ANKRD36: variants seen among roughly 807,000 people sequenced by gnomAD.
The protein encoded by ANKRD36 is ankyrin repeat domain 36.
In ANKRD36, 179 loss-of-function variants were observed where a neutral mutation model predicts 278.1. The observed-to-expected ratio is 0.64, with a 90% confidence interval of 0.57 to 0.73. The LOEUF (loss-of-function observed/expected upper bound fraction) is 0.73. Among genes scored for constraint, ANKRD36 ranks in the 30% least tolerant of loss-of-function variants. The probability of loss-of-function intolerance (pLI) is 0.00; values close to 1 mark genes in which losing one functional copy is unlikely to be tolerated. For missense variants in ANKRD36, 1,159 were observed against 1,956.7 expected (o/e 0.59, Z 7.69); for synonymous variants, 320 against 641.1 (o/e 0.50, Z 7.57).
At chr2:97,133,300 A>G (rs938641853) in intron 6 of ANKRD36, among the ~76,000 whole-genome samples, 3 of 152,032 alleles carry the variant, frequency 2.0e-5, no homozygotes, top group Non-Finnish European at 4.4e-5. Flanking sequence ...GCAACTTAAT[A>G]TGAAATACTA....
intron 22 of ANKRD36, among the ~76,000 whole-genome samples, chr2:97,174,165 G>T (rs534325186): frequency 6.6e-6 from 1 of 151,726 alleles, no homozygotes; most frequent in South Asian, 2.1e-4. Context: ...TCATTGATGT[G>T]TATGTTTTTG....
At chr2:97,213,882 G>A (rs1413908242) in intron 60 of ANKRD36, among the ~76,000 whole-genome samples, 1 of 151,780 alleles carries the variant, frequency 6.6e-6, no homozygotes, top group Non-Finnish European at 1.5e-5. Context: ...CAGGGGAACA[G>A]CATAATTTTG....
intron 1 of ANKRD36, 146 bp from the exon 2 acceptor site, chr2:97,117,918 C>G: frequency 8.5e-7 from 1 of 1,181,442 alleles, no homozygotes. Flanking sequence ...ATAGCCTGCT[C>G]TTTCATTAAT....
Position 97,142,675 on chromosome 2 carries a change from A to G in ANKRD36, c.828+7A>G. On this transcript the variant is annotated splice_region_variant and intron_variant, in intron 7 of 75. Transcript: ENST00000420699. Reference sequence around the variant, plus strand: ...GAAACAACCAGCCTTGAAGGTAATTACACATTCATTTCTGTTTTGAACTAT... The same window carrying G: ...GAAACAACCAGCCTTGAAGGTAATTGCACATTCATTTCTGTTTTGAACTAT... 1 of 1,609,782 alleles carries G rather than the reference A, an allele frequency of 6.2e-7. No individual in the cohort carries two copies. Among genetic ancestry groups the G allele is most frequent in the Non-Finnish European group, 8.5e-7 (1 of 1,179,162 alleles).
chr2:97,226,016 A>C (rs1434019759), intron 67 of ANKRD36, among the ~76,000 whole-genome samples: 1 of 151,832 alleles, frequency 6.6e-6, no homozygotes, highest in Admixed American at 6.6e-5. Context: ...TTCTTAATCC[A>C]GACTATCATT....
intron 20 of ANKRD36, among the ~76,000 whole-genome samples, chr2:97,166,359 G>A (rs2050651756): frequency 6.7e-6 from 1 of 148,670 alleles, no homozygotes; most frequent in African/African-American, 2.5e-5. Flanking sequence ...TTGTGAAGAA[G>A]GAATTTGTAC....
At chr2:97,230,950 A>T (rs145569014) in intron 67 of ANKRD36, among the ~76,000 whole-genome samples, 53,864 of 149,872 alleles carry the variant, frequency 0.36, 10,088 homozygotes, top group South Asian at 0.68. Context: ...GCTGCAGAAC[A>T]GCAGATTTTC....
intron 11 of ANKRD36, among the ~76,000 whole-genome samples, chr2:97,146,927 T>C (rs1438042769): frequency 6.6e-6 from 1 of 151,916 alleles, no homozygotes. Flanking sequence ...TTAGAGTATT[T>C]CTTAGAAGCC....
intron 62 of ANKRD36, among the ~76,000 whole-genome samples, chr2:97,216,405 G>C (rs1421109704): frequency 1.3e-5 from 2 of 151,998 alleles, no homozygotes; most frequent in Admixed American, 1.3e-4. Flanking sequence ...GGAGTGATTT[G>C]TGAATGTAAA....
At chr2:97,117,783 CTT>C (rs934018449) in intron 1 of ANKRD36, among the ~76,000 whole-genome samples, 63 of 151,860 alleles carry the variant, frequency 4.1e-4, no homozygotes, top group Non-Finnish European at 7.8e-4. Context: ...CTACTATTCT[CTT>C]ATATATTTTA....
chr2:97,231,878 G>T (rs1427109235), intron 67 of ANKRD36, among the ~76,000 whole-genome samples: 1 of 152,086 alleles, frequency 6.6e-6, no homozygotes, highest in Non-Finnish European at 1.5e-5. Context: ...TTAGGAAAAA[G>T]CACTCAAGTG....
intron 38 of ANKRD36, among the ~76,000 whole-genome samples, chr2:97,193,947 G>A (rs1275919149): frequency 1.3e-5 from 2 of 151,792 alleles, no homozygotes; most frequent in East Asian, 3.9e-4. Flanking sequence ...GAATATTGCA[G>A]TGATTTCTGA....
chr2:97,205,717 A>C (rs1484813369), intron 50 of ANKRD36, among the ~76,000 whole-genome samples: 3 of 151,462 alleles, frequency 2.0e-5, no homozygotes, highest in Admixed American at 6.6e-5. Flanking sequence ...CATATGAGAA[A>C]TCTTACCACG....
intron 56 of ANKRD36, among the ~76,000 whole-genome samples, chr2:97,210,265 C>T (rs1305794753): frequency 1.3e-5 from 2 of 151,784 alleles, no homozygotes; most frequent in East Asian, 2.0e-4. Context: ...TGTAATAACC[C>T]GTGTACAGTG....
At chr2:97,169,329 T>C in intron 22 of ANKRD36, among the ~76,000 whole-genome samples, 1 of 152,310 alleles carries the variant, frequency 6.6e-6, no homozygotes, top group African/African-American at 2.4e-5. Flanking sequence ...TTTAAGTTCC[T>C]TTTAGATTCT....
chr2:97,131,551 AGAAAAACCCACTGTTT>A (rs919629183), intron 6 of ANKRD36, among the ~76,000 whole-genome samples: 20 of 152,120 alleles, frequency 1.3e-4, no homozygotes, highest in Admixed American at 1.1e-3. Flanking sequence ...GCCCTTAATA[AGAAAAACCCACTGTTT>A]GGGAGCCGAA....
chr2:97,179,958 G>A (rs2055647000), intron 24 of ANKRD36, 25 bp downstream of exon 24: 4 of 1,603,186 alleles, frequency 2.5e-6, no homozygotes, highest in Non-Finnish European at 3.4e-6. Context: ...CACATCTAAT[G>A]TCATGTTCAA....
At chr2:97,212,725 G>T (rs925588204) in intron 58 of ANKRD36, 8 of 156,460 alleles carry the variant, frequency 5.1e-5, no homozygotes, top group Non-Finnish European at 8.5e-5. Flanking sequence ...GGTAATTGAT[G>T]ATATTTTTAT....
intron 26 of ANKRD36, 85 bp from the exon 27 acceptor site, chr2:97,183,374 C>A: frequency 7.0e-7 from 1 of 1,429,934 alleles, no homozygotes; most frequent in Non-Finnish European, 9.4e-7. Flanking sequence ...CAGGAGGATA[C>A]AGCTTGATGC....
Sources: gnomAD v4.1 joint callset for allele counts (sites outside exome capture counted in the v4.1 genomes callset) on GRCh38, gnomAD v4.1.1 for gene constraint, MANE v1.5 for transcripts, NCBI Gene and HGNC (gene_info 2026-07-23, HGNC 2026-07-21) for gene names.